TEAD1: variants seen among roughly 807,000 people sequenced by gnomAD.
TEAD1 encodes the protein transcriptional enhancer factor TEF-1.
TEAD1 carries 9 observed loss-of-function variants against 54.9 expected under a neutral mutation model. The ratio of observed to expected loss-of-function variants is 0.16; its 90% CI spans 0.10 to 0.29. The LOEUF is 0.29. Ranked by LOEUF, TEAD1 falls within the 10% of genes least tolerant of loss-of-function variation. The pLI, the probability that TEAD1 is intolerant of heterozygous loss-of-function variation, is 1.00. For synonymous variants in TEAD1, 200 were observed against 187.8 expected (o/e 1.07, Z -0.53); for missense variants, 387 against 535.9 (o/e 0.72, Z 2.74).
chr11:12,732,886 C>G (rs539744212), intron 2 of TEAD1, among the ~76,000 whole-genome samples: 2 of 152,204 alleles, frequency 1.3e-5, no homozygotes, highest in Non-Finnish European at 2.9e-5. Context: ...ATTACCCTCT[C>G]TTTTTCTTTT....
intron 2 of TEAD1, among the ~76,000 whole-genome samples, chr11:12,763,709 T>C (rs924337706): frequency 2.0e-5 from 3 of 152,206 alleles, no homozygotes; most frequent in African/African-American, 7.2e-5. Context: ...TTTATTTTCT[T>C]ATAAATTACT....
chr11:12,678,867 G>C (rs1380116594), intron 2 of TEAD1, among the ~76,000 whole-genome samples: 13 of 152,176 alleles, frequency 8.5e-5, no homozygotes, highest in African/African-American at 2.7e-4. Flanking sequence ...ATACATTCCA[G>C]TTTTGTAGTG....
chr11:12,758,169 G>A (rs890072585), intron 2 of TEAD1, among the ~76,000 whole-genome samples: 2 of 152,054 alleles, frequency 1.3e-5, no homozygotes, highest in Non-Finnish European at 2.9e-5. Context: ...TCTGCCCTCA[G>A]GGAGGGACAC....
chr11:12,873,453 T>C (rs562430131), intron 5 of TEAD1, among the ~76,000 whole-genome samples: 1 of 152,336 alleles, frequency 6.6e-6, no homozygotes, highest in Non-Finnish European at 1.5e-5. Context: ...TTGACAATTA[T>C]AAAATACCAA....
intron 3 of TEAD1, among the ~76,000 whole-genome samples, chr11:12,786,717 A>G (rs114129837): frequency 6.6e-6 from 1 of 152,190 alleles, no homozygotes; most frequent in Non-Finnish European, 1.5e-5. Flanking sequence ...GCAACAACAG[A>G]CAAGAGTTGG....
chr11:12,740,030 G>C (rs1043185698), intron 2 of TEAD1, among the ~76,000 whole-genome samples: 1 of 152,220 alleles, frequency 6.6e-6, no homozygotes. Context: ...AACTTTGTAG[G>C]TGGCGAGGAA....
chr11:12,675,819 A>C (rs936293421), intron 2 of TEAD1, among the ~76,000 whole-genome samples: 10 of 152,250 alleles, frequency 6.6e-5, no homozygotes, highest in African/African-American at 2.2e-4. Flanking sequence ...TCTCATGAAA[A>C]TAAATGAAAT....
At chr11:12,755,174 C>T (rs577747755) in intron 2 of TEAD1, among the ~76,000 whole-genome samples, 145 of 152,248 alleles carry the variant, frequency 9.5e-4, no homozygotes, top group Non-Finnish European at 1.5e-3. Flanking sequence ...ATAGACTTCC[C>T]TCTTAGGGAG....
chr11:12,903,838 T>A (rs535277181), intron 10 of TEAD1, among the ~76,000 whole-genome samples: 1 of 152,352 alleles, frequency 6.6e-6, no homozygotes, highest in Admixed American at 6.5e-5. Flanking sequence ...GGATAGTAGA[T>A]GTAGCCTTCT....
intron 2 of TEAD1, among the ~76,000 whole-genome samples, chr11:12,683,265 C>A (rs973365780): frequency 6.6e-6 from 1 of 152,120 alleles, no homozygotes; most frequent in Non-Finnish European, 1.5e-5. Flanking sequence ...AAATAAAATC[C>A]TGCTGCATCT....
Position 12,937,306 on chromosome 11 carries a change from C to A in TEAD1, c.*84C>A. The A allele has an allele frequency of 8.4e-7, 1 of 1,192,060 alleles. No individual in the cohort carries two copies. Among genetic ancestry groups the A allele is most frequent in the Non-Finnish European group, 1.2e-6 (1 of 817,338 alleles). The allele number at this position is 1,192,060 out of a possible 1,614,324, so 73.8% of individuals were successfully genotyped here. ...ACACTCTCTCTCCATTATCGAACGA[C>A]TGACTGTAAACCTCACCACACAGGG... On this transcript the variant is annotated 3_prime_UTR_variant, in exon 13 of 13. Coordinates refer to ENST00000527636, the MANE Select transcript of TEAD1 (RefSeq NM_021961.6).
intron 2 of TEAD1, among the ~76,000 whole-genome samples, chr11:12,733,912 G>C (rs1257197459): frequency 6.6e-6 from 1 of 152,194 alleles, no homozygotes; most frequent in Non-Finnish European, 1.5e-5. Context: ...GTGTGCGTGG[G>C]TTCCCCACCT....
chr11:12,896,311 C>T (rs1412458600), intron 9 of TEAD1, among the ~76,000 whole-genome samples: 1 of 152,188 alleles, frequency 6.6e-6, no homozygotes, highest in Non-Finnish European at 1.5e-5. Flanking sequence ...CACGGATCCA[C>T]TCTGGACTGG....
At chr11:12,851,030 AT>A in intron 3 of TEAD1, 6 of 925,876 alleles carry the variant, frequency 6.5e-6, no homozygotes, top group Non-Finnish European at 7.7e-6. Flanking sequence ...GTGCTGTCTA[AT>A]TTTCATAATC....
intron 5 of TEAD1, among the ~76,000 whole-genome samples, chr11:12,866,814 A>C (rs1947627514): frequency 6.6e-6 from 1 of 152,208 alleles, no homozygotes; most frequent in African/African-American, 2.4e-5. Flanking sequence ...TGAGTGTTCC[A>C]GGCATGGTGC....
chr11:12,755,706 G>A (rs1374242235), intron 2 of TEAD1, among the ~76,000 whole-genome samples: 1 of 152,208 alleles, frequency 6.6e-6, no homozygotes, highest in Non-Finnish European at 1.5e-5. Flanking sequence ...GGGTGGGAGT[G>A]ACTTGGGCTA....
At chr11:12,902,889 C>T (rs1026483451) in intron 10 of TEAD1, among the ~76,000 whole-genome samples, 3 of 152,020 alleles carry the variant, frequency 2.0e-5, no homozygotes, top group Non-Finnish European at 4.4e-5. Context: ...TGGGCCAGCT[C>T]CTTCTCCTCC....
chr11:12,831,951 T>G (rs1037911116), intron 3 of TEAD1, among the ~76,000 whole-genome samples: 1 of 152,174 alleles, frequency 6.6e-6, no homozygotes, highest in African/African-American at 2.4e-5. Context: ...TTTACTGCTC[T>G]CAACAGGTAT....
chr11:12,919,983 A>G (rs1306192260), intron 10 of TEAD1, among the ~76,000 whole-genome samples: 7 of 152,316 alleles, frequency 4.6e-5, no homozygotes, highest in African/African-American at 7.2e-5. Context: ...TCCTTGTTCC[A>G]GTGGTTAAAC....
Sources: gnomAD v4.1 joint callset for allele counts (sites outside exome capture counted in the v4.1 genomes callset) on GRCh38, gnomAD v4.1.1 for gene constraint, MANE v1.5 for transcripts, NCBI Gene and HGNC (gene_info 2026-07-23, HGNC 2026-07-21) for gene names.